KIRREL3: variants seen among roughly 807,000 people sequenced by gnomAD.
The protein encoded by KIRREL3 is kirre like nephrin family adhesion molecule 3.
KIRREL3 carries 36 observed loss-of-function variants against 89.7 expected under a neutral mutation model. That is an observed-to-expected ratio of 0.40 (90% CI 0.31 to 0.53). The LOEUF (loss-of-function observed/expected upper bound fraction) is 0.53. KIRREL3 is among the 20% of genes least tolerant of loss of function. The pLI is 0.49. For synonymous variants in KIRREL3, 445 were observed against 441.4 expected (o/e 1.01, Z -0.10); for missense variants, 864 against 1,056.6 (o/e 0.82, Z 2.53).
chr11:126,921,619 TATCTTCCTATCTATCCATCC>T (rs1947306030), intron 1 of KIRREL3, among the ~76,000 whole-genome samples: 1 of 33,956 alleles, frequency 2.9e-5, no homozygotes, highest in Admixed American at 2.3e-4. Flanking sequence ...TCTATCTATC[TATCTTCCTATCTATCCATCC>T]ATCTTCCTGT....
Position 126,676,394 on chromosome 11 carries a change from T to G in KIRREL3, c.56-113482A>C, listed in dbSNP as rs1024859489. ...CCTATCTCAGTTCAGGCTAGAATTC[T>G]CTCCTACCCTGGGGCCTCTCTAGTC... On this transcript the variant is annotated intron_variant, in intron 1 of 16. Transcript: ENST00000525144. This position sits in a 1 kb window ranked among gnomAD's most constrained non-coding sequence, Gnocchi z 4.5. Among the ~76,000 whole-genome samples the G allele has an allele frequency of 2.6e-5, 4 of 152,144 alleles. No individual in the cohort carries two copies. The highest frequency in any genetic ancestry group is 4.4e-5 in the Non-Finnish European group (3 of 68,018).
At chr11:126,626,560 G>A (rs1943792891) in intron 1 of KIRREL3, among the ~76,000 whole-genome samples, 1 of 152,208 alleles carries the variant, frequency 6.6e-6, no homozygotes, top group Non-Finnish European at 1.5e-5. Context: ...TCTGAGAATA[G>A]CAGGAGAAAC....
At chr11:126,964,740 T>C in intron 1 of KIRREL3, among the ~76,000 whole-genome samples, 1 of 152,152 alleles carries the variant, frequency 6.6e-6, no homozygotes, top group East Asian at 1.9e-4. Context: ...AGATGTTGAC[T>C]TTTATCAAGG....
Position 126,897,882 on chromosome 11 carries a change from G to A in KIRREL3, c.55+102573C>T, listed in dbSNP as rs925188687. Among the ~76,000 whole-genome samples the A allele has an allele frequency of 2.6e-5, 4 of 152,192 alleles. No individual in the cohort carries two copies. Among genetic ancestry groups the A allele is most frequent in the African/African-American group, 9.6e-5 (4 of 41,452 alleles). The stretch of plus-strand genomic sequence containing the variant: ...AGTAAGTCTGCACATATCCACTGAT[G>A]TATGGCACCTCGAGTTGCTGCTGGG... On this transcript the variant is annotated intron_variant, in intron 1 of 16. Coordinates refer to ENST00000525144, the MANE Select transcript of KIRREL3 (RefSeq NM_032531.4). This position sits in a 1 kb window ranked among gnomAD's most constrained non-coding sequence, Gnocchi z 4.2.
intron 1 of KIRREL3, among the ~76,000 whole-genome samples, chr11:126,894,770 C>T (rs550024011): frequency 1.3e-5 from 2 of 151,752 alleles, no homozygotes; most frequent in East Asian, 1.9e-4. Flanking sequence ...ATTGATCAAT[C>T]GTGTTAAGTA....
At chr11:126,439,188 G>A (rs1195775486) in intron 11 of KIRREL3, among the ~76,000 whole-genome samples, 3 of 152,078 alleles carry the variant, frequency 2.0e-5, no homozygotes, top group Non-Finnish European at 2.9e-5. Context: ...AAAATTAGCT[G>A]GGTGTGGTGG....
In KIRREL3 at chr11:126,754,107, C is replaced by G. The variant is rs1285214983; in HGVS notation, c.56-191195G>C. On this transcript the variant is annotated intron_variant, in intron 1 of 16. Transcript: ENST00000525144. This position sits in a 1 kb window ranked among gnomAD's most constrained non-coding sequence, Gnocchi z 5.1. ...AAATGAAGTCTGTTTTCCCTGGAAACTGCATAACCATTTGAATTAATTTAA... is the reference window on the plus strand; with the variant it reads ...AAATGAAGTCTGTTTTCCCTGGAAAGTGCATAACCATTTGAATTAATTTAA... Among the ~76,000 whole-genome samples the G allele has an allele frequency of 6.6e-6, 1 of 152,162 alleles. No homozygotes were observed. Among genetic ancestry groups the G allele is most frequent in the Non-Finnish European group, 1.5e-5 (1 of 68,038 alleles).
At chr11:126,727,257 T>A (rs1461663214) in intron 1 of KIRREL3, among the ~76,000 whole-genome samples, 1 of 152,266 alleles carries the variant, frequency 6.6e-6, no homozygotes, top group African/African-American at 2.4e-5. Flanking sequence ...CCACTCTCCC[T>A]GCACAGAGCA....
rs1945866849 is a variant in KIRREL3, at chr11:126,890,422, A to G, written c.55+110033T>C. ...GGCCTAATGTGACCTATTATCCAGC[A>G]ACTCCCATCTATTTCTGAAAACTCC... On this transcript the variant is annotated intron_variant, in intron 1 of 16. Coordinates refer to ENST00000525144, the MANE Select transcript of KIRREL3 (RefSeq NM_032531.4). This position sits in a 1 kb window ranked among gnomAD's most constrained non-coding sequence, Gnocchi z 5.1. Among the ~76,000 whole-genome samples the G allele has an allele frequency of 1.3e-5, 2 of 152,198 alleles. No homozygotes were observed. Among genetic ancestry groups the G allele is most frequent in the Admixed American group, 1.3e-4 (2 of 15,284 alleles).
At chr11:126,552,451 A>G (rs1221134174) in intron 2 of KIRREL3, among the ~76,000 whole-genome samples, 1 of 151,880 alleles carries the variant, frequency 6.6e-6, no homozygotes, top group East Asian at 1.9e-4. Context: ...GTTTAAAAAC[A>G]CAGTGACAGT....
In KIRREL3 at chr11:126,697,844, C is replaced by T. The variant is rs763873756; in HGVS notation, c.56-134932G>A. Among the ~76,000 whole-genome samples, 38 of 152,136 alleles carry T rather than the reference C, an allele frequency of 2.5e-4. No individual in the cohort carries two copies. Among genetic ancestry groups the T allele is most frequent in the Non-Finnish European group, 4.3e-4 (29 of 68,038 alleles). ...AAGCAGCCCTGCTCTTGACAGTCAT[C>T]TGAGGATCTTTGTTGGTGATGAGGA... On this transcript the variant is annotated intron_variant, in intron 1 of 16. Coordinates refer to ENST00000525144, the MANE Select transcript of KIRREL3 (RefSeq NM_032531.4). This position sits in a 1 kb window ranked among gnomAD's most constrained non-coding sequence, Gnocchi z 4.2.
At chr11:126,859,462 G>A (rs1418107440) in intron 1 of KIRREL3, among the ~76,000 whole-genome samples, 1 of 152,104 alleles carries the variant, frequency 6.6e-6, no homozygotes, top group Non-Finnish European at 1.5e-5. Context: ...TAAACAAAGA[G>A]CAACTGAACT....
intron 1 of KIRREL3, among the ~76,000 whole-genome samples, chr11:126,858,032 C>A (rs1944587309): frequency 6.6e-6 from 1 of 152,180 alleles, no homozygotes; most frequent in African/African-American, 2.4e-5. Flanking sequence ...TGGCACCCAG[C>A]CAGGTCCCCA....
chr11:126,562,911 C>G lies in KIRREL3; in HGVS notation c.57G>C (p.Glu19Asp). 2.5e-6 allele frequency: 4 copies of G among 1,613,442 alleles called. No individual in the cohort carries two copies. Among genetic ancestry groups the G allele is most frequent in the Non-Finnish European group, 3.4e-6 (4 of 1,179,554 alleles). Residue 19 changes from glutamate to aspartate, a missense_variant and splice_region_variant, in exon 2 of 17, where the codon GAG (glutamate) becomes GAC (aspartate). Physicochemically the swap from Glu to Asp is conservative, Grantham distance 45. Coordinates refer to ENST00000525144, the MANE Select transcript of KIRREL3 (RefSeq NM_032531.4). This position sits in a 1 kb window ranked among gnomAD's most constrained non-coding sequence, Gnocchi z 4.7. Reference protein sequence around the residue: ...LFVCFFLFSQELGLQKRGCCL... With the variant: ...LFVCFFLFSQDLGLQKRGCCL... ...AGCATCCTCTCTTCTGGAGGCCCAG[C>G]TCTGGAAGAGAAGCATAGGTGGGTG...
chr11:126,463,374 G>C lies in KIRREL3; in HGVS notation c.592-67C>G. 1 of 1,513,464 alleles carries C rather than the reference G, an allele frequency of 6.6e-7. No homozygotes were observed. The highest frequency in any genetic ancestry group is 9.0e-7 in the Non-Finnish European group (1 of 1,109,822). The allele number at this position is 1,513,464 out of a possible 1,614,324, so 93.8% of individuals were successfully genotyped here. ...TGGCTGGGGTGGCCAGCCTGGGTTG[G>C]GGGTAAACGAGCACCAGCTTAGACA... is the stretch of plus-strand genomic sequence containing the variant. On this transcript the variant is annotated intron_variant, in intron 5 of 16. Coordinates refer to ENST00000525144, the MANE Select transcript of KIRREL3 (RefSeq NM_032531.4). The surrounding 1 kb of genome is among the most constrained non-coding windows in gnomAD (Gnocchi z 5.9).
At chr11:126,514,386 G>A (rs752480609) in intron 4 of KIRREL3, among the ~76,000 whole-genome samples, 1 of 152,094 alleles carries the variant, frequency 6.6e-6, no homozygotes, top group Non-Finnish European at 1.5e-5. Context: ...TTCTTCCCAG[G>A]TGTGCAGCCT....
chr11:126,822,966 A>G (rs567337554), intron 1 of KIRREL3, among the ~76,000 whole-genome samples: 1 of 152,258 alleles, frequency 6.6e-6, no homozygotes, highest in Admixed American at 6.5e-5. Context: ...GGATCCAATG[A>G]CCCCACCTCT....
In KIRREL3 at chr11:126,574,736, A is replaced by T. The variant is rs1565563530; in HGVS notation, c.56-11824T>A. Among the ~76,000 whole-genome samples the T allele has an allele frequency of 6.6e-6, 1 of 152,170 alleles. No individual in the cohort carries two copies. Among genetic ancestry groups the T allele is most frequent in the Non-Finnish European group, 1.5e-5 (1 of 68,038 alleles). ...AATTCCAGACTTGAGATGGCTCCTT[A>T]GACTTAAATCTCCCTTGAAAAGAAA... On this transcript the variant is annotated intron_variant, in intron 1 of 16. Transcript: ENST00000525144. This position sits in a 1 kb window ranked among gnomAD's most constrained non-coding sequence, Gnocchi z 5.3.
rs1248718596 is a variant in KIRREL3, at chr11:126,424,544, C to G, written c.*36G>C. The G allele has an allele frequency of 1.2e-6, 2 of 1,603,104 alleles. No homozygotes were observed. Among genetic ancestry groups the G allele is most frequent in the Non-Finnish European group, 1.7e-6 (2 of 1,172,992 alleles). The stretch of plus-strand genomic sequence containing the variant: ...GGACAACCAGAACGTGCCCTGACCT[C>G]TTCCCTGGCCCGTCCCCACCCGCGG... On this transcript the variant is annotated 3_prime_UTR_variant, in exon 17 of 17. Coordinates refer to ENST00000525144, the MANE Select transcript of KIRREL3 (RefSeq NM_032531.4).
Sources: allele counts gnomAD v4.1 joint callset (sites outside exome capture counted in the v4.1 genomes callset), GRCh38; gene constraint gnomAD v4.1.1; non-coding constraint Gnocchi (gnomAD v3.1); transcripts MANE v1.5; gene names NCBI Gene and HGNC (gene_info 2026-07-23, HGNC 2026-07-21).